FDFT1: variants seen among roughly 807,000 people sequenced by gnomAD.
FDFT1 encodes the protein squalene synthase.
In FDFT1, 68 loss-of-function variants were observed where a neutral mutation model predicts 46.8. The observed-to-expected ratio is 1.45, with a 90% CI of 1.19 to 1.78. The LOEUF is 1.78. Ranked by LOEUF, FDFT1 falls within the 40% of genes most tolerant of loss-of-function variation. The probability of loss-of-function intolerance (pLI) is 0.00; values close to 1 mark genes in which losing one functional copy is unlikely to be tolerated. For missense variants in FDFT1, 928 were observed against 524.4 expected, an observed-to-expected ratio of 1.77 and a Z score of -7.52; for synonymous variants, 351 against 185.1, an observed-to-expected ratio of 1.90 and a Z score of -7.28.
intron 3 of FDFT1, among the ~76,000 whole-genome samples, chr8:11,812,162 C>G (rs778418966): frequency 3.3e-5 from 5 of 152,204 alleles, no homozygotes; most frequent in Non-Finnish European, 7.3e-5. Context: ...GGTGAGGGAT[C>G]ACTGGGGCCA....
intron 4 of FDFT1, among the ~76,000 whole-genome samples, chr8:11,825,024 C>T (rs1422729740): frequency 2.0e-5 from 3 of 151,936 alleles, no homozygotes; most frequent in South Asian, 2.1e-4. Flanking sequence ...CATGAGCCAT[C>T]GTGCCCGGCT....
intron 3 of FDFT1, among the ~76,000 whole-genome samples, chr8:11,816,834 C>T (rs575264971): frequency 5.6e-4 from 86 of 152,324 alleles, no homozygotes; most frequent in African/African-American, 1.9e-3. Context: ...TTTACTTCCT[C>T]TTTTCCTAAT....
At position 11,802,939 on chromosome 8, in the gene FDFT1, G is replaced by A. The variant is rs768455168; in HGVS notation, c.99+8G>A. ...ATGCCCAAGATGGACCAGGTGGGCC[G>A]AGCCTCCCTGCTTGCCCGGGGCGGG... On this transcript the variant is annotated splice_region_variant and intron_variant, in intron 1 of 7. Transcript: ENST00000220584. 3.2e-5 allele frequency: 51 copies of A among 1,595,506 alleles called. No individual in the cohort carries two copies. The highest frequency in any genetic ancestry group is 1.8e-5 in the Non-Finnish European group (21 of 1,170,770).
rs745784138 is a variant in FDFT1, at chr8:11,809,733, C to G, written c.264C>G (p.Ile88Met). Residue 88 changes from isoleucine (I) to methionine (M), a missense_variant, in exon 3 of 8, where the codon ATC (isoleucine) becomes ATG (methionine). Transcript: ENST00000220584. ...ALDTLEDDMTISVEKKVPLLH... is the reference protein window; with the variant it reads ...ALDTLEDDMTMSVEKKVPLLH... ...ACACACTGGAAGATGACATGACCAT[C>G]AGTGTGGAAAAGAAGGTCCCGCTGT... 1.9e-6 allele frequency: 3 copies of G among 1,613,990 alleles called. No individual in the cohort carries two copies. Among genetic ancestry groups the G allele is most frequent in the South Asian group, 2.2e-5 (2 of 91,088 alleles).
chr8:11,798,839 T>C (rs555332131), upstream of FDFT1, among the ~76,000 whole-genome samples: 9 of 152,314 alleles, frequency 5.9e-5, no homozygotes, highest in African/African-American at 1.7e-4. Context: ...TCACTGAGCT[T>C]AGATTTCTAG....
upstream of FDFT1, chr8:11,802,549 T>A: frequency 1.7e-6 from 1 of 583,056 alleles, no homozygotes; most frequent in Non-Finnish European, 3.2e-6. Context: ...TAGAGTGTTA[T>A]CACGCCAGTC....
rs7832215 is a variant in FDFT1, at chr8:11,838,124, C to T, written c.1033-264C>T. 6.8e-3 allele frequency among the ~76,000 whole-genome samples: 1,032 copies of T among 152,266 alleles called. 12 individuals carry two copies. Among genetic ancestry groups the T allele is most frequent in the African/African-American group, 0.024 (994 of 41,556 alleles). On this transcript the variant is annotated intron_variant, in intron 7 of 7. Transcript: ENST00000220584. ...GATGTGAAGATCATTGTGGCTCAGCCGCTGCTCTCGAGGGCCTCTGGGTGC... is the reference window on the plus strand; with the variant it reads ...GATGTGAAGATCATTGTGGCTCAGCTGCTGCTCTCGAGGGCCTCTGGGTGC...
rs753437328 is a variant in FDFT1, at chr8:11,838,811, G to A, written c.*202G>A. 3.5e-6 allele frequency: 2 copies of A among 578,154 alleles called. No individual in the cohort carries two copies. The highest frequency in any genetic ancestry group is 3.1e-6 in the Non-Finnish European group (1 of 323,058). 35.8% of individuals were successfully genotyped at this position (578,154 alleles called of 1,614,324 possible). A position where few individuals can be genotyped will look rare whatever the true frequency, so the allele number is the denominator to read the frequency against. On this transcript the variant is annotated 3_prime_UTR_variant, in exon 8 of 8. Coordinates refer to ENST00000220584, the MANE Select transcript of FDFT1 (RefSeq NM_004462.5). ...AAAGGGTGCCTCATCCCAGCAACCT[G>A]TCCTTGTGGGTGATGATCACTGTGC... is the stretch of plus-strand genomic sequence containing the variant.
At chr8:11,813,650 T>G (rs1808036116) in intron 3 of FDFT1, among the ~76,000 whole-genome samples, 1 of 152,236 alleles carries the variant, frequency 6.6e-6, no homozygotes, top group African/African-American at 2.4e-5. Context: ...TGTATCTGTA[T>G]TCCCTGCTAC....
At chr8:11,804,585 A>AT (rs1563293879) in intron 1 of FDFT1, among the ~76,000 whole-genome samples, 2 of 143,470 alleles carry the variant, frequency 1.4e-5, no homozygotes, top group Non-Finnish European at 3.0e-5. Flanking sequence ...TTCACTTAAC[A>AT]TTATCTTAGT....
intron 1 of FDFT1, 68 bp from the exon 2 acceptor site, chr8:11,808,726 A>ACTCCCACTCCCACTCCTG: frequency 6.4e-7 from 1 of 1,561,322 alleles, no homozygotes; most frequent in Non-Finnish European, 8.6e-7. Context: ...TCCCACTCCC[A>ACTCCCACTCCCACTCCTG]CTCCCACTCC....
intron 7 of FDFT1, among the ~76,000 whole-genome samples, chr8:11,837,942 C>T (rs1206219597): frequency 1.3e-5 from 2 of 152,232 alleles, no homozygotes; most frequent in African/African-American, 2.4e-5. Context: ...TGTTCCTGTC[C>T]CCCTTTGTCA....
At chr8:11,796,053 A>T (rs1805529617) in intron 1 of FDFT1, 1 of 151,966 alleles carries the variant, frequency 6.6e-6, no homozygotes, top group African/African-American at 2.4e-5. Flanking sequence ...TTTTGTGATA[A>T]CTGACATTGT....
chr8:11,813,839 G>A (rs988157414), intron 3 of FDFT1, among the ~76,000 whole-genome samples: 2 of 152,164 alleles, frequency 1.3e-5, no homozygotes, highest in Non-Finnish European at 2.9e-5. Context: ...CACATGTCAC[G>A]GCTTATGGTC....
chr8:11,802,061 C>G (rs1385038589), upstream of FDFT1: 5 of 455,654 alleles, frequency 1.1e-5, no homozygotes, highest in South Asian at 4.6e-5. Context: ...TACAGGCTCT[C>G]TAAGGCTTCA....
Position 11,821,887 on chromosome 8 carries a change from C to G in FDFT1, c.510+9C>G. On this transcript the variant is annotated intron_variant, in intron 4 of 7. Transcript: ENST00000220584. ...AACAGGAGTGGGACAAGGTTAGTCT[C>G]ATAAAACAGTGTCTGTGTGTGATGT... 6.2e-7 allele frequency: 1 copy of G among 1,611,726 alleles called. No homozygotes were observed. Among genetic ancestry groups the G allele is most frequent in the Non-Finnish European group, 8.5e-7 (1 of 1,178,438 alleles).
upstream of FDFT1, among the ~76,000 whole-genome samples, chr8:11,798,479 A>C (rs569022369): frequency 4.0e-4 from 61 of 152,350 alleles, no homozygotes; most frequent in African/African-American, 1.5e-3. Flanking sequence ...GAGAGGAGAG[A>C]TTAAAATGAA....
chr8:11,817,963 T>C (rs924302985), intron 3 of FDFT1, among the ~76,000 whole-genome samples: 14 of 152,332 alleles, frequency 9.2e-5, no homozygotes, highest in African/African-American at 3.4e-4. Context: ...AAGGTGTTGT[T>C]TTTAGATCTT....
At chr8:11,824,856 C>T (rs766436924) in intron 4 of FDFT1, among the ~76,000 whole-genome samples, 1 of 152,194 alleles carries the variant, frequency 6.6e-6, no homozygotes, top group East Asian at 1.9e-4. Context: ...CTGCCTTAGC[C>T]TTCTGAGTAG....
Sources: gnomAD v4.1 joint callset for allele counts (sites outside exome capture counted in the v4.1 genomes callset) on GRCh38, gnomAD v4.1.1 for gene constraint, MANE v1.5 for transcripts, NCBI Gene and HGNC (gene_info 2026-07-23, HGNC 2026-07-21) for gene names.